The following BRI3 variants were observed in gnomAD, a reference collection of about 807,000 sequenced individuals.
BRI3 encodes the protein brain protein I3.
Under a neutral mutation model 12.8 loss-of-function variants are expected in BRI3, and 6 were observed. That is an observed-to-expected ratio of 0.47 (90% confidence interval 0.26 to 0.93). BRI3 has a LOEUF of 0.93. BRI3 is among the 40% of genes least tolerant of loss of function. The pLI is 0.15. For missense variants in BRI3, 134 were observed against 171.1 expected, an observed-to-expected ratio of 0.78 and a Z score of 1.21; for synonymous variants, 91 against 76.1, an observed-to-expected ratio of 1.20 and a Z score of -1.02.
chr7:98,282,260 G>T, intron 1 of BRI3, 91 bp from the exon 2 acceptor site: 1 of 1,134,542 alleles, frequency 8.8e-7, no homozygotes, highest in Non-Finnish European at 1.3e-6. Flanking sequence ...CTTTTTTAGC[G>T]GGGTGGAGGT....
chr7:98,307,507 A>G (rs1057420263), intron 1 of BRI3: 37 of 1,441,296 alleles, frequency 2.6e-5, no homozygotes, highest in Non-Finnish European at 3.0e-5. Flanking sequence ...GTATCTCTAC[A>G]TGCACAGACA....
chr7:98,310,462 C>G (rs1800824944), downstream of BRI3: 2 of 1,599,106 alleles, frequency 1.3e-6, no homozygotes, highest in Admixed American at 1.8e-5. Flanking sequence ...ATTATTTACC[C>G]TTTGTGAATT....
At chr7:98,295,360 G>A (rs1245747448), downstream of BRI3, among the ~76,000 whole-genome samples, 1 of 152,172 alleles carries the variant, frequency 6.6e-6, no homozygotes, top group African/African-American at 2.4e-5. Context: ...CATCACTGGA[G>A]CACAAAGCCA....
downstream of BRI3, among the ~76,000 whole-genome samples, chr7:98,312,446 G>C (rs1359509140): frequency 2.0e-5 from 3 of 152,206 alleles, no homozygotes; most frequent in African/African-American, 7.2e-5. Flanking sequence ...CACCGGCTGA[G>C]AGGGGCAAAG....
At chr7:98,313,042 G>A (rs1800928804), downstream of BRI3, among the ~76,000 whole-genome samples, 1 of 152,026 alleles carries the variant, frequency 6.6e-6, no homozygotes, top group African/African-American at 2.4e-5. Context: ...CTCAGCCTCT[G>A]AGTTTATCAA....
chr7:98,293,571 TCA>T (rs771644205), downstream of BRI3: 38 of 1,613,942 alleles, frequency 2.4e-5, no homozygotes, highest in Non-Finnish European at 3.1e-5. Flanking sequence ...GGGCGGAGTT[TCA>T]CAGTGGCAAA....
downstream of BRI3, chr7:98,293,474 C>G: frequency 6.4e-7 from 1 of 1,565,828 alleles, no homozygotes. Context: ...GCCCATCATT[C>G]CGCAAGGGAG....
downstream of BRI3, among the ~76,000 whole-genome samples, chr7:98,294,786 T>C (rs1025718529): frequency 6.6e-6 from 1 of 152,160 alleles, no homozygotes; most frequent in Non-Finnish European, 1.5e-5. Flanking sequence ...GCCAGGGATC[T>C]TGTAGGAAGC....
At chr7:98,286,141 G>A (rs1799704447) in intron 2 of BRI3, among the ~76,000 whole-genome samples, 2 of 152,182 alleles carry the variant, frequency 1.3e-5, no homozygotes, top group Non-Finnish European at 2.9e-5. Flanking sequence ...TCCCAGCCAC[G>A]CCTTTCCCGG....
Position 98,282,343 on chromosome 7 carries a change from G to T in BRI3, c.143-8G>T. On this transcript the variant is annotated splice_region_variant and splice_polypyrimidine_tract_variant and intron_variant, in intron 1 of 2. Coordinates refer to ENST00000297290, the MANE Select transcript of BRI3 (RefSeq NM_015379.5). Reference sequence around the variant, plus strand: ...CTGCACCCTAATGACCTGCTTTCCCGCCCACAGGGATACCCACCCACCATC... The same window carrying T: ...CTGCACCCTAATGACCTGCTTTCCCTCCCACAGGGATACCCACCCACCATC... 6.2e-7 allele frequency: 1 copy of T among 1,610,930 alleles called. No individual in the cohort carries two copies. Among genetic ancestry groups the T allele is most frequent in the Middle Eastern group, 1.7e-4 (1 of 6,048 alleles).
In BRI3 at chr7:98,291,195, T is replaced by C; in HGVS notation, c.330T>C (p.Phe110=). 1 of 1,614,084 alleles carries C rather than the reference T, an allele frequency of 6.2e-7. No individual in the cohort carries two copies. Among genetic ancestry groups the C allele is most frequent in the African/African-American group, 1.3e-5 (1 of 75,046 alleles). Residue 110 remains phenylalanine, a synonymous_variant, in exon 3 of 3, where the codon TTT becomes TTC. Coordinates refer to ENST00000297290, the MANE Select transcript of BRI3 (RefSeq NM_015379.5). ...ILFPFGFICC[F]ALRKRRCPNC... ...TCCCCTTTGGGTTCATTTGCTGTTT[T>C]GCCTTGAGGAAGCGACGATGCCCCA...
chr7:98,290,878 TTAAA>T (rs1427062884), intron 2 of BRI3, among the ~76,000 whole-genome samples: 1 of 152,276 alleles, frequency 6.6e-6, no homozygotes, highest in Non-Finnish European at 1.5e-5. Flanking sequence ...CATGTAGTGA[TTAAA>T]TAACTATGGC....
the BRI3 span, chr7:98,320,181 T>C: frequency 2.1e-5 from 33 of 1,591,300 alleles, no homozygotes; most frequent in African/African-American, 4.2e-4. Context: ...TTAAGCAAAA[T>C]AAGTTCTAAA....
downstream of BRI3, chr7:98,292,467 G>A (rs1217038002): frequency 1.1e-5 from 7 of 650,732 alleles, no homozygotes; most frequent in Non-Finnish European, 1.9e-5. Flanking sequence ...GGGCCGGGCT[G>A]GGAATTTTAA....
chr7:98,317,703 A>AC, the BRI3 span, among the ~76,000 whole-genome samples: 1 of 146,112 alleles, frequency 6.8e-6, no homozygotes, highest in Non-Finnish European at 1.5e-5. Context: ...ACTGGCTGGG[A>AC]CCATCACCCC....
upstream of BRI3, among the ~76,000 whole-genome samples, chr7:98,305,513 T>C (rs1001131490): frequency 3.3e-5 from 5 of 152,090 alleles, no homozygotes; most frequent in Non-Finnish European, 5.9e-5. Flanking sequence ...ATGGGGGTTC[T>C]GTGAACTTCG....
downstream of BRI3, among the ~76,000 whole-genome samples, chr7:98,295,584 A>G (rs1186373317): frequency 6.6e-6 from 1 of 152,150 alleles, no homozygotes; most frequent in East Asian, 1.9e-4. Flanking sequence ...CTGTTGCAGA[A>G]GGGCCATGGC....
downstream of BRI3, among the ~76,000 whole-genome samples, chr7:98,295,011 G>C (rs547750213): frequency 6.6e-6 from 1 of 152,348 alleles, no homozygotes; most frequent in Non-Finnish European, 1.5e-5. Flanking sequence ...GGAGAGGGCA[G>C]TGTAACACTG....
At chr7:98,312,898 G>C (rs1049616420), downstream of BRI3, among the ~76,000 whole-genome samples, 3 of 152,164 alleles carry the variant, frequency 2.0e-5, no homozygotes, top group Non-Finnish European at 4.4e-5. Context: ...GCCTGGCTCT[G>C]CTCCTGACAA....
Sources: gnomAD v4.1 joint callset for allele counts (sites outside exome capture counted in the v4.1 genomes callset) on GRCh38, gnomAD v4.1.1 for gene constraint, MANE v1.5 for transcripts, NCBI Gene and HGNC (gene_info 2026-07-23, HGNC 2026-07-21) for gene names.